TMEM91: variants seen among roughly 807,000 people sequenced by gnomAD.
The protein encoded by TMEM91 is transmembrane protein 91.
In TMEM91, 6 loss-of-function variants were observed where a neutral mutation model predicts 13.3. That is an observed-to-expected ratio of 0.45 (90% CI 0.25 to 0.89). The LOEUF is 0.89. TMEM91 is among the 40% of genes least tolerant of loss of function. The pLI is 0.19. For missense variants in TMEM91, 193 were observed against 228.7 expected (o/e 0.84, Z 1.01); for synonymous variants, 87 against 101.7 (o/e 0.86, Z 0.87).
intron 1 of TMEM91, among the ~76,000 whole-genome samples, chr19:41,377,481 G>A (rs570248418): frequency 4.2e-4 from 64 of 150,932 alleles, no homozygotes; most frequent in Middle Eastern, 3.4e-3. Flanking sequence ...AGGTCTAGGG[G>A]ACAGAGGATG....
upstream of TMEM91, chr19:41,376,248 C>T (rs2038715964): frequency 6.6e-6 from 1 of 152,242 alleles, no homozygotes; most frequent in African/African-American, 2.4e-5. Flanking sequence ...TAACACAGGG[C>T]TTGGGTACAG....
At chr19:41,367,918 C>T (rs1599919062) in intron 1 of TMEM91, among the ~76,000 whole-genome samples, 1 of 152,142 alleles carries the variant, frequency 6.6e-6, no homozygotes, top group Non-Finnish European at 1.5e-5. Context: ...GATGTGAGGC[C>T]ACAACACCCG....
At chr19:41,368,044 C>G (rs2038556186) in intron 1 of TMEM91, among the ~76,000 whole-genome samples, 1 of 152,128 alleles carries the variant, frequency 6.6e-6, no homozygotes, top group Non-Finnish European at 1.5e-5. Context: ...GGCTACATAG[C>G]AACATTCCTC....
chr19:41,380,558 T>G (rs965784303), intron 2 of TMEM91, among the ~76,000 whole-genome samples: 1 of 151,406 alleles, frequency 6.6e-6, no homozygotes, highest in East Asian at 2.0e-4. Flanking sequence ...GTTAATTGCT[T>G]GAGGTCAGGA....
upstream of TMEM91, chr19:41,376,243 CAG>C (rs2038715762): frequency 6.6e-6 from 1 of 152,266 alleles, no homozygotes; most frequent in African/African-American, 2.4e-5. Context: ...GCGTTTAACA[CAG>C]GGCTTGGGTA....
chr19:41,363,953 C>T (rs779310603), upstream of TMEM91: 3 of 320,122 alleles, frequency 9.4e-6, no homozygotes, highest in Non-Finnish European at 1.8e-5. Flanking sequence ...ATGCGTCATT[C>T]CTACCTTAGC....
At chr19:41,378,748 G>A (rs1297269181) in intron 2 of TMEM91, among the ~76,000 whole-genome samples, 3 of 151,952 alleles carry the variant, frequency 2.0e-5, no homozygotes, top group Admixed American at 6.6e-5. Context: ...CTCAGACTCC[G>A]CTGGTTGGTG....
chr19:41,373,376 G>T (rs2123172226), upstream of TMEM91, among the ~76,000 whole-genome samples: 1 of 151,844 alleles, frequency 6.6e-6, no homozygotes, highest in South Asian at 2.1e-4. Flanking sequence ...AGGGATGAGG[G>T]GACCCACAGA....
intron 1 of TMEM91, among the ~76,000 whole-genome samples, 169 bp from the exon 2 acceptor site, chr19:41,378,112 C>T (rs116952381): frequency 6.6e-6 from 1 of 151,202 alleles, no homozygotes; most frequent in Non-Finnish European, 1.5e-5. Context: ...CTCTTCATAA[C>T]CTGAGGCCAA....
intron 1 of TMEM91, among the ~76,000 whole-genome samples, chr19:41,369,791 G>C (rs894325454): frequency 3.9e-5 from 6 of 152,044 alleles, no homozygotes; most frequent in Admixed American, 3.9e-4. Context: ...CTGGGTGACA[G>C]AGCGAGACTC....
chr19:41,383,743 TC>T lies in TMEM91; in HGVS notation c.391del (p.Gln131ArgfsTer30). ...AACAAGGCTTGGGCCAAGGGGGACA[TC>T]CAGGGGGCAGGGGCCGCCTCCCGCC... ...KTNKAWAKGD[I>X]QGAGAASRRA... On this transcript the variant is annotated frameshift_variant, in exon 4 of 4. Transcript: ENST00000392002. LOFTEE classifies it high-confidence loss of function. 1 of 1,608,346 alleles carries T rather than the reference TC, an allele frequency of 6.2e-7. No individual in the cohort carries two copies.
chr19:41,375,069 A>G (rs1312792825), upstream of TMEM91, among the ~76,000 whole-genome samples: 11 of 151,956 alleles, frequency 7.2e-5, no homozygotes, highest in Admixed American at 7.2e-4. Context: ...ACCACGTGAC[A>G]ATCAGAGCAT....
intron 2 of TMEM91, among the ~76,000 whole-genome samples, chr19:41,379,952 T>C (rs1330346998): frequency 1.4e-5 from 2 of 142,254 alleles, no homozygotes; most frequent in East Asian, 4.3e-4. Flanking sequence ...TGGAGTACAA[T>C]GGTGCAATCT....
At chr19:41,371,788 T>C (rs1282641254), upstream of TMEM91, among the ~76,000 whole-genome samples, 1 of 152,120 alleles carries the variant, frequency 6.6e-6, no homozygotes, top group Non-Finnish European at 1.5e-5. Context: ...CCTACAGTAT[T>C]TGTCCTCTTA....
At chr19:41,375,976 T>A (rs984119801), upstream of TMEM91, among the ~76,000 whole-genome samples, 1 of 151,856 alleles carries the variant, frequency 6.6e-6, no homozygotes, top group East Asian at 1.9e-4. Flanking sequence ...AAAAATTAGC[T>A]GGGCGTGGTG....
intron 1 of TMEM91, among the ~76,000 whole-genome samples, chr19:41,371,311 C>CTCTCTCCT (rs2038613519): frequency 8.9e-6 from 1 of 111,914 alleles, no homozygotes; most frequent in East Asian, 2.4e-4. Context: ...CCACTATCCT[C>CTCTCTCCT]TCCTTCCTTC....
chr19:41,378,810 TTGTG>T (rs755303325), intron 2 of TMEM91, among the ~76,000 whole-genome samples: 142 of 148,202 alleles, frequency 9.6e-4, no homozygotes, highest in South Asian at 3.0e-3. Flanking sequence ...GTCTCCCTCT[TTGTG>T]TGTGTGTGTG....
chr19:41,382,764 G>A lies in TMEM91; in HGVS notation c.211-8G>A, dbSNP rs777447398. 2.5e-6 allele frequency: 4 copies of A among 1,612,520 alleles called. No homozygotes were observed. In the Admixed American group the frequency reaches 6.7e-5, roughly 27 times the overall value. ...GAGATGCCCACCTGGGCACTTTCCT[G>A]TCCGTAGGACATGTCATCCAGTGAC... On this transcript the variant is annotated splice_region_variant and splice_polypyrimidine_tract_variant and intron_variant, in intron 2 of 3. Coordinates refer to ENST00000392002, the MANE Select transcript of TMEM91 (RefSeq NM_001098821.2).
chr19:41,370,714 T>A (rs1309895955), intron 1 of TMEM91, among the ~76,000 whole-genome samples: 3 of 150,922 alleles, frequency 2.0e-5, no homozygotes, highest in African/African-American at 4.9e-5. Flanking sequence ...CACCTATTTA[T>A]TTTTTTGAGA....
Sources: allele counts gnomAD v4.1 joint callset (sites outside exome capture counted in the v4.1 genomes callset), GRCh38; gene constraint gnomAD v4.1.1; transcripts MANE v1.5; gene names NCBI Gene and HGNC (gene_info 2026-07-23, HGNC 2026-07-21).